RECQL: variants seen among roughly 807,000 people sequenced by gnomAD.
RECQL encodes the protein ATP-dependent DNA helicase Q1.
RECQL carries 73 observed loss-of-function variants against 75.8 expected under a neutral mutation model. That is an observed-to-expected ratio of 0.96 (90% CI 0.80 to 1.17). The LOEUF (loss-of-function observed/expected upper bound fraction) is 1.17, where lower values mean the gene tolerates loss of function less well. Among genes scored for constraint, RECQL ranks in the 50% most tolerant of loss-of-function variants. The pLI is 0.00. For missense variants in RECQL, 699 were observed against 772.1 expected (o/e 0.91, Z 1.12); for synonymous variants, 248 against 254.4 (o/e 0.97, Z 0.24).
Position 21,474,998 on chromosome 12 carries a change from T to A in RECQL, c.1217-19A>T. ...TCTCGACCTGTGGTGTGAGAAACCT[T>A]GAGATTGCAGAATTACATTTACAAA... On this transcript the variant is annotated intron_variant, in intron 10 of 14. Coordinates refer to ENST00000444129, the MANE Select transcript of RECQL (RefSeq NM_002907.4). 6.2e-7 allele frequency: 1 copy of A among 1,604,628 alleles called. No homozygotes were observed. Among genetic ancestry groups the A allele is most frequent in the Non-Finnish European group, 8.5e-7 (1 of 1,174,524 alleles).
intron 4 of RECQL, among the ~76,000 whole-genome samples, chr12:21,488,455 C>G (rs1174258356): frequency 6.6e-6 from 1 of 152,186 alleles, no homozygotes; most frequent in African/African-American, 2.4e-5. Flanking sequence ...CATCTCCACA[C>G]TAACAACCCC....
chr12:21,469,296 TAATGCAGCCCAGAACAGCTTTG>T lies in RECQL; in HGVS notation c.*876_*897del, dbSNP rs1396243793. On this transcript the variant is annotated 3_prime_UTR_variant, in exon 15 of 15. Transcript: ENST00000444129. ...CTTGTCCAACTCTAGCCCACGGGTC[TAATGCAGCCCAGAACAGCTTTG>T]AATGCAGCCCAACACAAATCTGTAA... is the stretch of plus-strand genomic sequence containing the variant. The T allele has an allele frequency of 1.3e-5, 2 of 154,258 alleles. No individual in the cohort carries two copies. Among genetic ancestry groups the T allele is most frequent in the Non-Finnish European group, 2.9e-5 (2 of 69,550 alleles). The allele number at this position is 154,258 out of a possible 1,614,324, so 9.6% of individuals were successfully genotyped here. A position where few individuals can be genotyped will look rare whatever the true frequency, so the allele number is the denominator to read the frequency against.
In RECQL at chr12:21,494,419, AT is replaced by A. The variant is rs1172700651; in HGVS notation, c.17-2704del. Among the ~76,000 whole-genome samples the A allele has an allele frequency of 7.9e-5, 12 of 152,366 alleles. No homozygotes were observed. In the East Asian group the frequency reaches 2.3e-3, roughly 29 times the overall value. Reference sequence around the variant, plus strand: ...CAGGGTTTATGGAATACAATGTCGAATTAAGCTAAGTTTATTGATACGGGCT... The same window carrying A: ...CAGGGTTTATGGAATACAATGTCGAATAAGCTAAGTTTATTGATACGGGCT... On this transcript the variant is annotated intron_variant, in intron 2 of 14. Coordinates refer to ENST00000444129, the MANE Select transcript of RECQL (RefSeq NM_002907.4).
intron 12 of RECQL, 152 bp downstream of exon 12, chr12:21,473,399 C>T: frequency 1.6e-6 from 1 of 638,690 alleles, no homozygotes. Context: ...AACATATCAC[C>T]TAGGAGACTA....
intron 7 of RECQL, among the ~76,000 whole-genome samples, chr12:21,477,336 A>G (rs1027120329): frequency 5.9e-5 from 9 of 152,224 alleles, no homozygotes; most frequent in Admixed American, 5.2e-4. Flanking sequence ...TCTATTCTTA[A>G]AAGGGTTTAG....
At chr12:21,473,276 T>C (rs968401386) in intron 12 of RECQL, among the ~76,000 whole-genome samples, 3 of 152,100 alleles carry the variant, frequency 2.0e-5, no homozygotes, top group African/African-American at 7.2e-5. Flanking sequence ...ATATTTTTAC[T>C]GTACTTACTC....
intron 2 of RECQL, among the ~76,000 whole-genome samples, chr12:21,496,609 G>C (rs911231246): frequency 2.6e-5 from 4 of 152,208 alleles, no homozygotes; most frequent in African/African-American, 9.6e-5. Flanking sequence ...ACTGCTAAGA[G>C]AGACACTTGC....
At chr12:21,480,806 T>A (rs886838719) in intron 6 of RECQL, among the ~76,000 whole-genome samples, 2 of 152,184 alleles carry the variant, frequency 1.3e-5, no homozygotes, top group Non-Finnish European at 2.9e-5. Context: ...GTACCCCACC[T>A]CTGCCTCTAC....
intron 6 of RECQL, among the ~76,000 whole-genome samples, chr12:21,483,048 T>C (rs1162253189): frequency 2.0e-5 from 3 of 151,754 alleles, no homozygotes; most frequent in Non-Finnish European, 4.4e-5. Flanking sequence ...ATGTCCACTA[T>C]TGGCTAGTAA....
At chr12:21,496,571 A>C (rs1302104142) in intron 2 of RECQL, among the ~76,000 whole-genome samples, 4 of 152,186 alleles carry the variant, frequency 2.6e-5, no homozygotes, top group African/African-American at 2.4e-5. Context: ...GCTGAGCAAG[A>C]AGCAGCAGTA....
chr12:21,472,265 C>A (rs1464912528), intron 12 of RECQL, among the ~76,000 whole-genome samples: 1 of 151,970 alleles, frequency 6.6e-6, no homozygotes, highest in Non-Finnish European at 1.5e-5. Context: ...AAATATAGTG[C>A]CAAAATGCTG....
At position 21,470,729 on chromosome 12, in the gene RECQL, C is replaced by T. The variant is rs1028604098; in HGVS notation, c.1797+240G>A. ...TGCATAACAAAATTAGATATTCAAA[C>T]GGAGTCCTCCCATTCCAAGAAACTG... On this transcript the variant is annotated intron_variant, in intron 14 of 14. Transcript: ENST00000444129. The T allele has an allele frequency of 7.7e-5, 26 of 337,866 alleles. 1 individual carries two copies. The highest frequency in any genetic ancestry group is 5.6e-4 in the East Asian group (11 of 19,490). The allele number at this position is 337,866 out of a possible 1,614,324, so 20.9% of individuals were successfully genotyped here. A position where few individuals can be genotyped will look rare whatever the true frequency, so the allele number is the denominator to read the frequency against.
At chr12:21,495,362 C>T (rs545790845) in intron 2 of RECQL, among the ~76,000 whole-genome samples, 112 of 152,170 alleles carry the variant, frequency 7.4e-4, no homozygotes, top group African/African-American at 2.5e-3. Flanking sequence ...TTTGGGAGGC[C>T]GAGGCGGGTG....
chr12:21,473,473 C>T, intron 12 of RECQL, 78 bp downstream of exon 12: 2 of 1,049,662 alleles, frequency 1.9e-6, no homozygotes, highest in South Asian at 1.3e-5. Flanking sequence ...CCTAGTGATG[C>T]ATTTCTCAGA....
At chr12:21,480,983 G>C (rs1943181497) in intron 6 of RECQL, among the ~76,000 whole-genome samples, 1 of 151,958 alleles carries the variant, frequency 6.6e-6, no homozygotes, top group Non-Finnish European at 1.5e-5. Context: ...TACTTTTTCA[G>C]TTATCTATTT....
chr12:21,471,067 TG>T lies in RECQL; in HGVS notation c.1698del (p.Ile567PhefsTer4), dbSNP rs1942941954. On this transcript the variant is annotated frameshift_variant, in exon 14 of 15. Transcript: ENST00000444129. LOFTEE classifies it high-confidence loss of function. Reference sequence around the variant, plus strand: ...TTAGGTCCTATTTTCAAATACGAAATGGTAGCATAAGCTGTAAAACTGTAGT... The same window carrying T: ...TTAGGTCCTATTTTCAAATACGAAATGTAGCATAAGCTGTAAAACTGTAGT... ...KEDYSFTAYA[T>X]ISYLKIGPKA... 1 of 1,601,106 alleles carries T rather than the reference TG, an allele frequency of 6.2e-7. No homozygotes were observed. The highest frequency in any genetic ancestry group is 1.4e-5 in the African/African-American group (1 of 73,908).
In RECQL at chr12:21,471,514, C is replaced by A. The variant is rs774747023; in HGVS notation, c.1581G>T (p.Leu527=). Reference sequence around the variant, plus strand: ...TGGGAGCCACAACACCTGCTACTCTCAGTTTTGCTGCACCCTTTCCCATCC... The same window carrying A: ...TGGGAGCCACAACACCTGCTACTCTAAGTTTTGCTGCACCCTTTCCCATCC... ...DSWMGKGAAK[L]RVAGVVAPTL... The change falls in exon 13 of 15, where the codon CTG becomes CTT. Residue 527 remains leucine (L), a synonymous_variant. Coordinates refer to ENST00000444129, the MANE Select transcript of RECQL (RefSeq NM_002907.4). 1 of 1,612,736 alleles carries A rather than the reference C, an allele frequency of 6.2e-7. No individual in the cohort carries two copies. Among genetic ancestry groups the A allele is most frequent in the Non-Finnish European group, 8.5e-7 (1 of 1,179,366 alleles).
chr12:21,472,724 A>C (rs993730952), intron 12 of RECQL, among the ~76,000 whole-genome samples: 4 of 152,066 alleles, frequency 2.6e-5, no homozygotes, highest in Non-Finnish European at 5.9e-5. Context: ...CAGGGTTGTG[A>C]CCAATGCTCA....
In RECQL at chr12:21,471,408, A is replaced by G. The variant is rs1394319704; in HGVS notation, c.1667+20T>C. The G allele has an allele frequency of 1.3e-6, 2 of 1,581,446 alleles. No homozygotes were observed. The highest frequency in any genetic ancestry group is 4.5e-5 in the East Asian group (2 of 44,490). The stretch of plus-strand genomic sequence containing the variant: ...ACCATAAAGACAACCTGAAAGAATA[A>G]TGAATGAGTTTGTACATACTTAAGA... On this transcript the variant is annotated intron_variant, in intron 13 of 14. Coordinates refer to ENST00000444129, the MANE Select transcript of RECQL (RefSeq NM_002907.4).
Sources: allele counts gnomAD v4.1 joint callset (sites outside exome capture counted in the v4.1 genomes callset), GRCh38; gene constraint gnomAD v4.1.1; transcripts MANE v1.5; gene names NCBI Gene and HGNC (gene_info 2026-07-23, HGNC 2026-07-21).